The following SGMS1 variants were observed in gnomAD, a reference collection of about 807,000 sequenced individuals.
SGMS1 encodes the protein phosphatidylcholine:ceramide cholinephosphotransferase 1.
SGMS1 carries 13 observed loss-of-function variants against 46.2 expected under a neutral mutation model. The ratio of observed to expected loss-of-function variants is 0.28; its 90% CI spans 0.18 to 0.45. SGMS1 has a LOEUF of 0.45. Among genes scored for constraint, SGMS1 ranks in the 20% least tolerant of loss-of-function variants. The pLI, the probability that SGMS1 is intolerant of heterozygous loss-of-function variation, is 1.00. For synonymous variants in SGMS1, 203 were observed against 187.8 expected (o/e 1.08, Z -0.66); for missense variants, 324 against 519.9 (o/e 0.62, Z 3.66).
At chr10:50,348,002 A>G (rs529755349) in intron 6 of SGMS1, among the ~76,000 whole-genome samples, 35 of 152,168 alleles carry the variant, frequency 2.3e-4, no homozygotes, top group Admixed American at 2.0e-4. Context: ...TGCATTAGGT[A>G]TTTGTCCTAA....
chr10:50,561,581 T>C (rs1239686427), intron 2 of SGMS1, among the ~76,000 whole-genome samples: 3 of 152,210 alleles, frequency 2.0e-5, no homozygotes, highest in South Asian at 2.1e-4. Context: ...TTAATCTTTA[T>C]AAATACTGAA....
intron 3 of SGMS1, among the ~76,000 whole-genome samples, chr10:50,499,925 T>C (rs1459849304): frequency 6.6e-6 from 1 of 152,164 alleles, no homozygotes. Context: ...TCCCAACACT[T>C]TGGGAGGCAA....
In SGMS1 at chr10:50,562,727, C is replaced by G. The variant is rs373826061; in HGVS notation, c.-589+27426G>C. On this transcript the variant is annotated intron_variant, in intron 2 of 10. Coordinates refer to ENST00000361781, the MANE Select transcript of SGMS1 (RefSeq NM_147156.4). ...CCCGGCTAATTTTTTTGTATTTTTA[C>G]TAGAGACGGGGTTTCACCATGTTAT... Among the ~76,000 whole-genome samples, 11 of 152,174 alleles carry G rather than the reference C, an allele frequency of 7.2e-5. 1 individual carries two copies. Among genetic ancestry groups the G allele is most frequent in the African/African-American group, 2.4e-4 (10 of 41,522 alleles).
chr10:50,475,605 A>G (rs1318231468), intron 3 of SGMS1, among the ~76,000 whole-genome samples: 1 of 152,036 alleles, frequency 6.6e-6, no homozygotes, highest in Non-Finnish European at 1.5e-5. Flanking sequence ...CCCTACCCAA[A>G]TCTCATGTTG....
At chr10:50,515,298 C>T (rs1837791355) in intron 3 of SGMS1, among the ~76,000 whole-genome samples, 2 of 152,166 alleles carry the variant, frequency 1.3e-5, no homozygotes, top group South Asian at 4.1e-4. Context: ...TTTTAGCACC[C>T]TAACTGACAT....
At chr10:50,473,034 A>C (rs1046376538) in intron 3 of SGMS1, 2 of 152,358 alleles carry the variant, frequency 1.3e-5, no homozygotes, top group South Asian at 4.1e-4. Context: ...ACACTATATT[A>C]GAACATAATA....
chr10:50,596,637 T>G (rs776139191), intron 1 of SGMS1, among the ~76,000 whole-genome samples: 17 of 152,244 alleles, frequency 1.1e-4, no homozygotes, highest in Non-Finnish European at 2.2e-4. Flanking sequence ...AACCTTTCTG[T>G]TACTGACTAG....
intron 1 of SGMS1, among the ~76,000 whole-genome samples, chr10:50,606,369 A>T (rs1399689767): frequency 6.6e-6 from 1 of 152,178 alleles, no homozygotes; most frequent in Non-Finnish European, 1.5e-5. Flanking sequence ...TGGGATGAGG[A>T]AGTCATTCTG....
chr10:50,373,043 A>T (rs1277893066), intron 6 of SGMS1, among the ~76,000 whole-genome samples: 1 of 152,194 alleles, frequency 6.6e-6, no homozygotes, highest in Non-Finnish European at 1.5e-5. Context: ...TCCACATAAA[A>T]TTTAGCCTTC....
intron 1 of SGMS1, among the ~76,000 whole-genome samples, chr10:50,599,179 G>A (rs1838624135): frequency 6.6e-6 from 1 of 152,138 alleles, no homozygotes; most frequent in South Asian, 2.1e-4. Flanking sequence ...AAACTATACA[G>A]ATTTTCATGT....
intron 6 of SGMS1, among the ~76,000 whole-genome samples, chr10:50,360,807 T>C (rs1320000910): frequency 6.6e-6 from 1 of 152,236 alleles, no homozygotes; most frequent in Non-Finnish European, 1.5e-5. Flanking sequence ...CCTATCTTTT[T>C]CAAAATGAGA....
chr10:50,536,332 C>T (rs971528120), intron 2 of SGMS1, among the ~76,000 whole-genome samples: 22 of 151,848 alleles, frequency 1.4e-4, no homozygotes, highest in African/African-American at 4.8e-4. Context: ...AAAAAATGAA[C>T]AAAGAAACAA....
rs566441562 is a variant in SGMS1, at chr10:50,543,157, T to C, written c.-588-23236A>G. Among the ~76,000 whole-genome samples, 14 of 152,248 alleles carry C rather than the reference T, an allele frequency of 9.2e-5. No individual in the cohort carries two copies. In the South Asian group the frequency reaches 2.9e-3, roughly 32 times the overall value. On this transcript the variant is annotated intron_variant, in intron 2 of 10. Coordinates refer to ENST00000361781, the MANE Select transcript of SGMS1 (RefSeq NM_147156.4). The stretch of plus-strand genomic sequence containing the variant: ...AGCAATGAACATGTCAAGGCAAACT[T>C]AGAATTTCCATTACAATATGCTCAG...
chr10:50,348,164 A>G (rs1023429555), intron 6 of SGMS1, among the ~76,000 whole-genome samples: 7 of 152,086 alleles, frequency 4.6e-5, no homozygotes, highest in African/African-American at 9.7e-5. Context: ...TTCCAGCTTC[A>G]CCCATGTCCC....
At chr10:50,501,124 C>A (rs948625396) in intron 3 of SGMS1, among the ~76,000 whole-genome samples, 2 of 152,150 alleles carry the variant, frequency 1.3e-5, no homozygotes, top group South Asian at 2.1e-4. Context: ...TCCTCTCCTG[C>A]AATTTATGCT....
At chr10:50,533,430 A>G (rs1025512287) in intron 2 of SGMS1, among the ~76,000 whole-genome samples, 1 of 152,200 alleles carries the variant, frequency 6.6e-6, no homozygotes, top group Admixed American at 6.5e-5. Flanking sequence ...GTGAATCAAA[A>G]GCACTCATGA....
chr10:50,601,285 C>T (rs1287300966), intron 1 of SGMS1, among the ~76,000 whole-genome samples: 3 of 152,196 alleles, frequency 2.0e-5, no homozygotes, highest in Non-Finnish European at 2.9e-5. Context: ...GACTTTTTCA[C>T]AAGATACAGG....
At chr10:50,542,230 A>T (rs1338829236) in intron 2 of SGMS1, among the ~76,000 whole-genome samples, 1 of 152,184 alleles carries the variant, frequency 6.6e-6, no homozygotes, top group Non-Finnish European at 1.5e-5. Flanking sequence ...ACATGGAAAC[A>T]AAATTTTCCA....
intron 6 of SGMS1, among the ~76,000 whole-genome samples, chr10:50,372,372 T>C (rs969751597): frequency 6.6e-6 from 1 of 152,152 alleles, no homozygotes; most frequent in African/African-American, 2.4e-5. Flanking sequence ...GAAAATTAAT[T>C]TTTAAAAATA....
Sources: gnomAD v4.1 joint callset for allele counts (sites outside exome capture counted in the v4.1 genomes callset) on GRCh38, gnomAD v4.1.1 for gene constraint, MANE v1.5 for transcripts, NCBI Gene and HGNC (gene_info 2026-07-23, HGNC 2026-07-21) for gene names.